TANC2: variants seen among roughly 807,000 people sequenced by gnomAD.
TANC2 encodes the protein protein TANC2.
TANC2 carries 26 observed loss-of-function variants against 210.5 expected under a neutral mutation model. The ratio of observed to expected loss-of-function variants is 0.12; its 90% confidence interval spans 0.09 to 0.17. The LOEUF (loss-of-function observed/expected upper bound fraction) is 0.17. Ranked by LOEUF, TANC2 falls within the 10% of genes least tolerant of loss-of-function variation. The pLI, the probability that TANC2 is intolerant of heterozygous loss-of-function variation, is 1.00. For synonymous variants in TANC2, 931 were observed against 967.1 expected (o/e 0.96, Z 0.69); for missense variants, 2,129 against 2,608.9 (o/e 0.82, Z 4.01).
At chr17:63,354,433 T>C (rs2046721178) in intron 13 of TANC2, among the ~76,000 whole-genome samples, 1 of 152,212 alleles carries the variant, frequency 6.6e-6, no homozygotes, top group Non-Finnish European at 1.5e-5. Flanking sequence ...GACTTGTACT[T>C]GGCATTATGC....
At chr17:63,172,725 AAAG>A (rs1035909805) in intron 5 of TANC2, among the ~76,000 whole-genome samples, 4 of 152,236 alleles carry the variant, frequency 2.6e-5, no homozygotes, top group African/African-American at 9.6e-5. Flanking sequence ...AGGAAGGGAA[AAAG>A]AAGAAACTTA....
intron 2 of TANC2, among the ~76,000 whole-genome samples, chr17:63,054,223 A>G (rs1397666409): frequency 6.6e-6 from 1 of 152,226 alleles, no homozygotes; most frequent in Non-Finnish European, 1.5e-5. Context: ...TCCAGCAGAA[A>G]TGCCTAAACC....
At chr17:63,174,036 G>C (rs1598526628) in intron 5 of TANC2, among the ~76,000 whole-genome samples, 1 of 152,268 alleles carries the variant, frequency 6.6e-6, no homozygotes, top group East Asian at 1.9e-4. Flanking sequence ...ACAGCCACTT[G>C]TGCCATTCTC....
At chr17:63,180,277 A>G (rs563495909) in intron 5 of TANC2, among the ~76,000 whole-genome samples, 9 of 152,362 alleles carry the variant, frequency 5.9e-5, no homozygotes, top group South Asian at 2.1e-4. Flanking sequence ...TTAACACTCA[A>G]TGGGAAAAAC....
At chr17:62,999,186 G>A (rs539774226) in intron 1 of TANC2, among the ~76,000 whole-genome samples, 1 of 152,096 alleles carries the variant, frequency 6.6e-6, no homozygotes, top group Non-Finnish European at 1.5e-5. Context: ...TCATTTGAAA[G>A]TCTGTGGCAC....
intron 8 of TANC2, among the ~76,000 whole-genome samples, chr17:63,260,736 T>C (rs976753125): frequency 5.3e-5 from 8 of 151,678 alleles, no homozygotes; most frequent in Admixed American, 2.0e-4. Context: ...CACTCTAGCC[T>C]GGGTGACAAA....
At chr17:63,359,406 CG>C (rs1258649396) in intron 14 of TANC2, among the ~76,000 whole-genome samples, 1 of 150,824 alleles carries the variant, frequency 6.6e-6, no homozygotes, top group Non-Finnish European at 1.5e-5. Flanking sequence ...TGCAGTGATG[CG>C]ATTTCACATC....
chr17:63,328,169 C>T lies in TANC2; in HGVS notation c.1575+9079C>T, dbSNP rs148614985. Among the ~76,000 whole-genome samples, 80 of 152,256 alleles carry T rather than the reference C, an allele frequency of 5.3e-4. 1 individual carries two copies. Among genetic ancestry groups the T allele is most frequent in the African/African-American group, 1.9e-3 (80 of 41,544 alleles). ...CACATGGACACAAGAAAGAGAATAA[C>T]AGACACTGGGGCTCACTTGAGGGTG... On this transcript the variant is annotated intron_variant, in intron 11 of 27. Transcript: ENST00000689528.
chr17:63,070,477 G>A (rs958158245), intron 2 of TANC2, among the ~76,000 whole-genome samples: 3 of 152,124 alleles, frequency 2.0e-5, no homozygotes, highest in Admixed American at 1.3e-4. Flanking sequence ...TTGCAGAGCC[G>A]CCTTCTCATC....
At chr17:63,168,294 G>A (rs1161356870) in intron 5 of TANC2, among the ~76,000 whole-genome samples, 3 of 152,190 alleles carry the variant, frequency 2.0e-5, no homozygotes, top group African/African-American at 7.2e-5. Context: ...CTTTTCAAGA[G>A]ATGAGGTCCT....
At chr17:63,146,358 C>A (rs140589930) in intron 4 of TANC2, among the ~76,000 whole-genome samples, 28 of 152,104 alleles carry the variant, frequency 1.8e-4, no homozygotes, top group African/African-American at 5.8e-4. Context: ...GATAATTTTA[C>A]TTCTTTCTAC....
intron 5 of TANC2, among the ~76,000 whole-genome samples, chr17:63,169,364 G>T (rs1296867914): frequency 6.6e-6 from 1 of 152,132 alleles, no homozygotes; most frequent in African/African-American, 2.4e-5. Context: ...CTAGGATGAT[G>T]ATTTTTTCTC....
At chr17:63,405,345 A>G in intron 20 of TANC2, 90 bp downstream of exon 20, 1 of 1,400,262 alleles carries the variant, frequency 7.1e-7, no homozygotes, top group Non-Finnish European at 9.5e-7. Context: ...TCACAAGTAA[A>G]GTTTGGGTTA....
At chr17:63,237,168 A>T (rs1472198715) in intron 7 of TANC2, among the ~76,000 whole-genome samples, 1 of 152,064 alleles carries the variant, frequency 6.6e-6, no homozygotes, top group East Asian at 1.9e-4. Context: ...TTTTAATAGT[A>T]GCCATTCTGA....
intron 8 of TANC2, among the ~76,000 whole-genome samples, chr17:63,241,296 A>G (rs1172575964): frequency 6.6e-6 from 1 of 152,244 alleles, no homozygotes. Flanking sequence ...AATGGAATGT[A>G]TAAACAGCAT....
At chr17:63,120,325 T>C (rs1026341241) in intron 4 of TANC2, among the ~76,000 whole-genome samples, 3 of 152,240 alleles carry the variant, frequency 2.0e-5, no homozygotes, top group African/African-American at 7.2e-5. Context: ...CCTATTATGC[T>C]GATTTGGTGA....
chr17:63,354,856 A>G, exon 14 of TANC2: 2 of 1,613,516 alleles, frequency 1.2e-6, no homozygotes, highest in Non-Finnish European at 1.7e-6. Context: ...ATAGACCAGG[A>G]CCTGCAGGCT....
chr17:63,209,473 G>A (rs2041821196), intron 7 of TANC2, among the ~76,000 whole-genome samples: 1 of 151,680 alleles, frequency 6.6e-6, no homozygotes, highest in Admixed American at 6.6e-5. Context: ...TCACAGTGTA[G>A]CCTGGGCTGG....
intron 26 of TANC2, among the ~76,000 whole-genome samples, chr17:63,417,579 T>TA (rs1485706451): frequency 6.6e-6 from 1 of 151,894 alleles, no homozygotes; most frequent in African/African-American, 2.4e-5. Context: ...AGGAACCAGT[T>TA]AAAAAAAGGA....
Sources: allele counts gnomAD v4.1 joint callset (sites outside exome capture counted in the v4.1 genomes callset), GRCh38; gene constraint gnomAD v4.1.1; transcripts MANE v1.5; gene names NCBI Gene and HGNC (gene_info 2026-07-23, HGNC 2026-07-21).